Variants in NTN1 observed in about 807,000 individuals in gnomAD.
NTN1 encodes netrin-1.
A neutral mutation model predicts 54.2 loss-of-function variants in NTN1; 11 were observed. The observed-to-expected ratio is 0.20, with a 90% CI of 0.13 to 0.34. The LOEUF (loss-of-function observed/expected upper bound fraction) is 0.34, where lower values mean the gene tolerates loss of function less well. NTN1 is among the 10% of genes least tolerant of loss of function. The pLI is 1.00. For synonymous variants in NTN1, 371 were observed against 382.0 expected (o/e 0.97, Z 0.33); for missense variants, 740 against 893.1 (o/e 0.83, Z 2.18).
At chr17:9,097,848 CCT>C (rs905262206) in intron 2 of NTN1, among the ~76,000 whole-genome samples, 41 of 151,774 alleles carry the variant, frequency 2.7e-4, no homozygotes, top group Non-Finnish European at 5.2e-4. Context: ...GAAACAGTCC[CCT>C]GTGTACCTAG....
At chr17:9,127,401 G>A (rs946138798) in intron 2 of NTN1, among the ~76,000 whole-genome samples, 1 of 152,158 alleles carries the variant, frequency 6.6e-6, no homozygotes, top group African/African-American at 2.4e-5. Context: ...CCTTCTCAAG[G>A]GTTTGTGTGA....
chr17:9,092,070 A>G (rs1339792079), intron 2 of NTN1, among the ~76,000 whole-genome samples: 2 of 151,172 alleles, frequency 1.3e-5, no homozygotes, highest in Non-Finnish European at 2.9e-5. Context: ...TTGTATTTTT[A>G]GTAGAGACGG....
chr17:9,231,297 G>GGT (rs1555579614), intron 6 of NTN1, among the ~76,000 whole-genome samples: 3 of 149,398 alleles, frequency 2.0e-5, no homozygotes, highest in Admixed American at 1.5e-4. Context: ...GGGGTACCCG[G>GGT]GGGGGGACCC....
chr17:9,177,992 C>G (rs571952716), intron 3 of NTN1, among the ~76,000 whole-genome samples: 2 of 152,166 alleles, frequency 1.3e-5, no homozygotes, highest in Non-Finnish European at 2.9e-5. Context: ...GTCAGGAGTT[C>G]GAGACCAGCC....
chr17:9,119,814 T>C (rs2092226686), intron 2 of NTN1, among the ~76,000 whole-genome samples: 1 of 152,204 alleles, frequency 6.6e-6, no homozygotes, highest in South Asian at 2.1e-4. Context: ...TTTTTTATTT[T>C]AGCCGTCCTA....
At chr17:9,218,958 C>T (rs1004199504) in intron 5 of NTN1, among the ~76,000 whole-genome samples, 3 of 152,012 alleles carry the variant, frequency 2.0e-5, no homozygotes, top group African/African-American at 7.3e-5. Flanking sequence ...TTGAAGGCCA[C>T]CCCTGCAAGA....
At chr17:9,133,424 C>A (rs1205475181) in intron 2 of NTN1, among the ~76,000 whole-genome samples, 1 of 152,196 alleles carries the variant, frequency 6.6e-6, no homozygotes, top group Non-Finnish European at 1.5e-5. Context: ...TCCCAGGCGA[C>A]TTGCTGTGTT....
chr17:9,171,301 G>T (rs760950953), intron 3 of NTN1: 2 of 152,164 alleles, frequency 1.3e-5, no homozygotes, highest in Non-Finnish European at 2.9e-5. Context: ...CATCCCACCT[G>T]CCCCCTCATT....
chr17:9,155,926 C>G (rs72811950), intron 2 of NTN1, among the ~76,000 whole-genome samples: 22,707 of 152,166 alleles, frequency 0.15, 1,806 homozygotes, highest in Non-Finnish European at 0.17. Context: ...TGCCAGATGT[C>G]CACTGGGGGA....
intron 2 of NTN1, among the ~76,000 whole-genome samples, chr17:9,033,917 C>CAAAAAAAAAA (rs58699789): frequency 9.4e-6 from 1 of 106,476 alleles, no homozygotes; most frequent in African/African-American, 3.4e-5. Flanking sequence ...AACTCTGTCT[C>CAAAAAAAAAA]AAAAAAAAAA....
At chr17:9,046,556 G>T (rs2091942013) in intron 2 of NTN1, among the ~76,000 whole-genome samples, 1 of 152,168 alleles carries the variant, frequency 6.6e-6, no homozygotes, top group African/African-American at 2.4e-5. Context: ...GGAGGCCAAG[G>T]TGGAAGGATT....
chr17:9,046,353 C>T (rs893233114), intron 2 of NTN1, among the ~76,000 whole-genome samples: 2 of 152,226 alleles, frequency 1.3e-5, no homozygotes, highest in African/African-American at 4.8e-5. Context: ...TACCACTTTA[C>T]ATTCACTAGG....
intron 5 of NTN1, among the ~76,000 whole-genome samples, chr17:9,193,924 A>AAAAAAAAAAAAACAAAAC (rs1904541585): frequency 7.5e-6 from 1 of 133,090 alleles, no homozygotes; most frequent in African/African-American, 2.8e-5. Flanking sequence ...TCCGACTAAA[A>AAAAAAAAAAAAACAAAAC]AAAAAAAAAA....
intron 6 of NTN1, among the ~76,000 whole-genome samples, chr17:9,228,552 A>G (rs1158124946): frequency 2.0e-5 from 3 of 152,116 alleles, no homozygotes; most frequent in Non-Finnish European, 2.9e-5. Context: ...ACTCAGAAAG[A>G]GGGGGAGACA....
the NTN1 span, among the ~76,000 whole-genome samples, chr17:9,012,536 C>CAAA: frequency 4.2e-3 from 562 of 132,794 alleles, 5 homozygotes; most frequent in South Asian, 0.023. Flanking sequence ...AAAAACAAAA[C>CAAA]AAAAAAAAAA....
At chr17:9,029,974 G>A (rs2151509291) in intron 2 of NTN1, among the ~76,000 whole-genome samples, 1 of 147,928 alleles carries the variant, frequency 6.8e-6, no homozygotes, top group African/African-American at 2.5e-5. Context: ...CCTGGCAACA[G>A]AGCGAAACTC....
At chr17:9,151,466 G>C (rs1274744128) in intron 2 of NTN1, among the ~76,000 whole-genome samples, 1 of 152,114 alleles carries the variant, frequency 6.6e-6, no homozygotes, top group Non-Finnish European at 1.5e-5. Flanking sequence ...GGGCACTGAG[G>C]TTCCAAAACA....
At chr17:9,066,438 C>A (rs1399174505) in intron 2 of NTN1, among the ~76,000 whole-genome samples, 1 of 151,386 alleles carries the variant, frequency 6.6e-6, no homozygotes, top group Non-Finnish European at 1.5e-5. Context: ...ACCAGCCTGG[C>A]CAATATGGTG....
At chr17:9,021,946 G>T (rs1437919765) in intron 1 of NTN1, among the ~76,000 whole-genome samples, 1 of 152,142 alleles carries the variant, frequency 6.6e-6, no homozygotes, top group African/African-American at 2.4e-5. Context: ...GCTGCGAGAC[G>T]AAGGGGCGCG....
Sources: allele counts gnomAD v4.1 joint callset (sites outside exome capture counted in the v4.1 genomes callset), GRCh38; gene constraint gnomAD v4.1.1; transcripts MANE v1.5; gene names NCBI Gene and HGNC (gene_info 2026-07-23, HGNC 2026-07-21).